DCAF12: variants seen among roughly 807,000 people sequenced by gnomAD.
DCAF12 encodes the protein DDB1- and CUL4-associated factor 12.
A neutral mutation model predicts 52.8 loss-of-function variants in DCAF12; 28 were observed. That is an observed-to-expected ratio of 0.53 (90% CI 0.39 to 0.73). The LOEUF (loss-of-function observed/expected upper bound fraction) is 0.73, where lower values mean the gene tolerates loss of function less well. DCAF12 is among the 30% of genes least tolerant of loss of function. The pLI, the probability that DCAF12 is intolerant of heterozygous loss-of-function variation, is 0.00. For synonymous variants in DCAF12, 196 were observed against 215.5 expected (o/e 0.91, Z 0.79); for missense variants, 425 against 552.2 (o/e 0.77, Z 2.31).
intron 2 of DCAF12, among the ~76,000 whole-genome samples, chr9:34,119,458 T>C (rs1417575135): frequency 6.6e-6 from 1 of 152,198 alleles, no homozygotes; most frequent in Non-Finnish European, 1.5e-5. Flanking sequence ...CTCATTTCAT[T>C]AAACGTACTG....
chr9:34,108,567 G>A (rs1006821999), intron 2 of DCAF12, among the ~76,000 whole-genome samples: 6 of 152,186 alleles, frequency 3.9e-5, no homozygotes, highest in East Asian at 1.9e-4. Context: ...CAAGGCGGGC[G>A]GATCACCAGA....
chr9:34,098,307 C>G lies in DCAF12; in HGVS notation c.795+17G>C, dbSNP rs1828770959. ...GCAAGAGGAATACACGTCAGGGATC[C>G]CTACACAAGTTCATACCTTGTTCTT... is the stretch of plus-strand genomic sequence containing the variant. On this transcript the variant is annotated intron_variant, in intron 5 of 8. Coordinates refer to ENST00000361264, the MANE Select transcript of DCAF12 (RefSeq NM_015397.4). 3.1e-6 allele frequency: 5 copies of G among 1,609,616 alleles called. No homozygotes were observed. Among genetic ancestry groups the G allele is most frequent in the Non-Finnish European group, 4.2e-6 (5 of 1,177,488 alleles).
chr9:34,112,599 C>CA (rs1829021826), intron 2 of DCAF12, among the ~76,000 whole-genome samples: 1 of 150,028 alleles, frequency 6.7e-6, no homozygotes, highest in Non-Finnish European at 1.5e-5. Flanking sequence ...ATCTCAAAAA[C>CA]AAAAAATAAA....
At chr9:34,112,118 G>A (rs1342653944) in intron 2 of DCAF12, among the ~76,000 whole-genome samples, 1 of 151,416 alleles carries the variant, frequency 6.6e-6, no homozygotes, top group Non-Finnish European at 1.5e-5. Flanking sequence ...ACTCCAGCCT[G>A]GGTGACAGTG....
chr9:34,090,548 G>A (rs780415826), intron 7 of DCAF12, among the ~76,000 whole-genome samples: 1 of 152,106 alleles, frequency 6.6e-6, no homozygotes, highest in South Asian at 2.1e-4. Flanking sequence ...ATAAGAACTG[G>A]ATAATATTTG....
intron 4 of DCAF12, among the ~76,000 whole-genome samples, chr9:34,099,072 CTTT>C (rs574114455): frequency 1.7e-5 from 2 of 116,382 alleles, no homozygotes; most frequent in African/African-American, 3.4e-5. Flanking sequence ...ACCTGGTCTG[CTTT>C]TTTTTTTTTT....
At position 34,093,080 on chromosome 9, in the gene DCAF12, C is replaced by A. The variant is rs187036711; in HGVS notation, c.1024+206G>T. The stretch of plus-strand genomic sequence containing the variant: ...GTCAGGCTGATCTCAAACTCCCGAC[C>A]TCAGGTGATCCACCCGCCTCGGCCT... On this transcript the variant is annotated intron_variant, in intron 7 of 8. Transcript: ENST00000361264. Among the ~76,000 whole-genome samples the A allele has an allele frequency of 4.4e-4, 67 of 152,310 alleles. 1 individual carries two copies. In the East Asian group the frequency reaches 0.011, roughly 25 times the overall value.
intron 2 of DCAF12, among the ~76,000 whole-genome samples, chr9:34,113,368 T>C (rs1418289284): frequency 1.3e-5 from 2 of 151,706 alleles, no homozygotes; most frequent in Admixed American, 6.6e-5. Flanking sequence ...TTTTCTTATT[T>C]TTTTCTGAAA....
intron 1 of DCAF12, chr9:34,125,860 G>A (rs1388286553): frequency 7.0e-6 from 2 of 287,466 alleles, no homozygotes; most frequent in African/African-American, 4.4e-5. Flanking sequence ...CCCCTCCAAA[G>A]GGGGCGGCAT....
intron 2 of DCAF12, among the ~76,000 whole-genome samples, chr9:34,117,704 T>G (rs1349700553): frequency 6.6e-6 from 1 of 152,050 alleles, no homozygotes; most frequent in Admixed American, 6.6e-5. Context: ...CACCTGAGGT[T>G]GGGATTTCGA....
intron 4 of DCAF12, among the ~76,000 whole-genome samples, chr9:34,099,975 G>A (rs894752726): frequency 2.0e-5 from 3 of 152,108 alleles, no homozygotes; most frequent in African/African-American, 7.2e-5. Flanking sequence ...TAGGGCTTGG[G>A]AATCCTCCCC....
At chr9:34,099,298 G>A (rs958631651) in intron 4 of DCAF12, among the ~76,000 whole-genome samples, 1 of 150,038 alleles carries the variant, frequency 6.7e-6, no homozygotes, top group Non-Finnish European at 1.5e-5. Flanking sequence ...GTGCAATGGC[G>A]CAATCTTGGC....
Position 34,096,753 on chromosome 9 carries a change from T to A in DCAF12, c.824A>T (p.Tyr275Phe). The A allele has an allele frequency of 6.2e-7, 1 of 1,614,098 alleles. No homozygotes were observed. The highest frequency in any genetic ancestry group is 8.5e-7 in the Non-Finnish European group (1 of 1,180,020). ...ATTTTCAGCCTTCCAGAGATGAAAG[T>A]AGCCATCCAGAGACACTGCTCCCAG... ...KELGAVSLDGYFHLWKAENTL... is the reference protein window; with the variant it reads ...KELGAVSLDGFFHLWKAENTL... Residue 275 changes from tyrosine to phenylalanine, a missense_variant, in exon 6 of 9, where the codon TAC becomes TTC. Physicochemically the swap from Tyr to Phe is conservative, Grantham distance 22. This residue lies in a region of DCAF12 where 328 missense variants were observed against 444.4 expected (regional missense o/e 0.74). Coordinates refer to ENST00000361264, the MANE Select transcript of DCAF12 (RefSeq NM_015397.4).
chr9:34,099,077 T>G (rs1396357002), intron 4 of DCAF12, among the ~76,000 whole-genome samples: 1 of 149,842 alleles, frequency 6.7e-6, no homozygotes, highest in Non-Finnish European at 1.5e-5. Flanking sequence ...GTCTGCTTTT[T>G]TTTTTTTTGA....
At chr9:34,099,146 C>A (rs1828787599) in intron 4 of DCAF12, among the ~76,000 whole-genome samples, 1 of 152,046 alleles carries the variant, frequency 6.6e-6, no homozygotes, top group Non-Finnish European at 1.5e-5. Flanking sequence ...TGGCTCACTG[C>A]AACCTCGGCC....
intron 1 of DCAF12, 87 bp downstream of exon 1, chr9:34,126,267 C>T: frequency 6.5e-7 from 1 of 1,527,556 alleles, no homozygotes; most frequent in Non-Finnish European, 8.9e-7. Context: ...GACCCTGGAC[C>T]CCGATTCCCG....
intron 4 of DCAF12, among the ~76,000 whole-genome samples, chr9:34,101,178 T>C (rs887774022): frequency 3.3e-5 from 5 of 151,120 alleles, no homozygotes; most frequent in African/African-American, 1.2e-4. Context: ...CTTCAGCAAT[T>C]CTCCTGCCCC....
intron 2 of DCAF12, among the ~76,000 whole-genome samples, chr9:34,113,964 C>G (rs112262010): frequency 1.3e-5 from 2 of 151,872 alleles, no homozygotes; most frequent in Non-Finnish European, 2.9e-5. Flanking sequence ...AAAAATTAGC[C>G]GGGCGTGGTG....
chr9:34,125,235 G>A lies in DCAF12; in HGVS notation c.121C>T (p.Pro41Ser), dbSNP rs1829229678. Residue 41 changes from proline to serine, a missense_variant, in exon 2 of 9, where the codon CCT (proline) becomes TCT (serine). Pro to Ser is a moderately conservative substitution (Grantham distance 74, BLOSUM62 -1). Coordinates refer to ENST00000361264, the MANE Select transcript of DCAF12 (RefSeq NM_015397.4). Reference sequence around the variant, plus strand: ...TAGTATACTAAGGATCTCTTCACAGGAGGAAGTCTTTTCCTTTTGTGAAGC... The same window carrying A: ...TAGTATACTAAGGATCTCTTCACAGAAGGAAGTCTTTTCCTTTTGTGAAGC... ...HSLHKRKRLP[P>S]VKRSLVYYLK... 1.9e-6 allele frequency: 3 copies of A among 1,614,024 alleles called. No homozygotes were observed. Among genetic ancestry groups the A allele is most frequent in the South Asian group, 2.2e-5 (2 of 91,078 alleles).
Sources: gnomAD v4.1 joint callset for allele counts (sites outside exome capture counted in the v4.1 genomes callset) on GRCh38, gnomAD v4.1.1 for gene constraint, gnomAD v4.1.1 regional missense constraint, MANE v1.5 for transcripts, NCBI Gene and HGNC (gene_info 2026-07-23, HGNC 2026-07-21) for gene names.